The following PYHIN1 variants were observed in gnomAD, a reference collection of about 807,000 sequenced individuals.
The protein encoded by PYHIN1 is pyrin and HIN domain family member 1.
A neutral mutation model predicts 43.7 loss-of-function variants in PYHIN1; 32 were observed. The ratio of observed to expected loss-of-function variants is 0.73; its 90% confidence interval spans 0.55 to 0.98. The LOEUF is 0.98. Ranked by LOEUF, PYHIN1 falls within the 50% of genes least tolerant of loss-of-function variation. PYHIN1 has a pLI of 0.00. For synonymous variants in PYHIN1, 205 were observed against 203.1 expected, an observed-to-expected ratio of 1.01 and a Z score of -0.08; for missense variants, 588 against 589.5, an observed-to-expected ratio of 1.00 and a Z score of 0.03.
Position 158,933,768 on chromosome 1 carries a change from C to T in PYHIN1, c.-21+1992C>T, listed in dbSNP as rs1270495749. ...TAGTAAACTCATATTCTTTTTCTTC[C>T]CTCCCTCCACCATGTTGGTATACTT... On this transcript the variant is annotated intron_variant, in intron 1 of 8. Coordinates refer to ENST00000368140, the MANE Select transcript of PYHIN1 (RefSeq NM_152501.5). The surrounding 1 kb of genome is among the most constrained non-coding windows in gnomAD (Gnocchi z 6.3). Among the ~76,000 whole-genome samples the T allele has an allele frequency of 6.6e-6, 1 of 151,966 alleles. No homozygotes were observed. The highest frequency in any genetic ancestry group is 1.5e-5 in the Non-Finnish European group (1 of 67,948).
At chr1:158,940,573 A>G (rs373238588) in intron 4 of PYHIN1, among the ~76,000 whole-genome samples, 4 of 152,306 alleles carry the variant, frequency 2.6e-5, no homozygotes, top group Admixed American at 2.6e-4. Context: ...CTAAAAACTA[A>G]TTGAAACTCT....
intron 7 of PYHIN1, among the ~76,000 whole-genome samples, chr1:158,952,649 G>A (rs1009180356): frequency 6.6e-6 from 1 of 152,138 alleles, no homozygotes; most frequent in Non-Finnish European, 1.5e-5. Context: ...TGGTTGCAAT[G>A]AACCAGAGCC....
intron 7 of PYHIN1, among the ~76,000 whole-genome samples, chr1:158,973,196 C>T (rs1354122779): frequency 6.6e-6 from 1 of 152,058 alleles, no homozygotes; most frequent in Non-Finnish European, 1.5e-5. Flanking sequence ...GAGTTGAAGA[C>T]AGACTTATTC....
chr1:158,986,927 TC>T, the PYHIN1 span, among the ~76,000 whole-genome samples: 3 of 152,198 alleles, frequency 2.0e-5, no homozygotes, highest in African/African-American at 7.2e-5. Context: ...AGTGGGCCAC[TC>T]TACACCTATT....
intron 7 of PYHIN1, among the ~76,000 whole-genome samples, chr1:158,959,106 G>A (rs1286173041): frequency 6.6e-6 from 1 of 151,736 alleles, no homozygotes; most frequent in African/African-American, 2.4e-5. Context: ...TTTTTGGGAG[G>A]TCCGTTGCAC....
At chr1:158,939,680 A>G in intron 4 of PYHIN1, 1 of 672,120 alleles carries the variant, frequency 1.5e-6, no homozygotes, top group East Asian at 2.7e-5. Flanking sequence ...CTGGATCCCA[A>G]TATTGAGATC....
At chr1:158,958,464 G>A (rs577667857) in intron 7 of PYHIN1, among the ~76,000 whole-genome samples, 9 of 148,688 alleles carry the variant, frequency 6.1e-5, no homozygotes, top group East Asian at 4.0e-4. Context: ...TAGGGACATG[G>A]ATGAAATTGG....
chr1:158,949,266 T>G (rs1649390643), intron 7 of PYHIN1, among the ~76,000 whole-genome samples: 1 of 152,166 alleles, frequency 6.6e-6, no homozygotes, highest in Non-Finnish European at 1.5e-5. Flanking sequence ...CAAACAGCTG[T>G]GTGGGCTCCA....
intron 7 of PYHIN1, among the ~76,000 whole-genome samples, chr1:158,968,189 C>T (rs1439925850): frequency 1.3e-5 from 2 of 151,742 alleles, no homozygotes; most frequent in Non-Finnish European, 1.5e-5. Flanking sequence ...AAATTGCAAA[C>T]TTTGCATCCA....
At position 158,942,352 on chromosome 1, in the gene PYHIN1, A is replaced by T; in HGVS notation, c.955A>T (p.Lys319Ter). The T allele has an allele frequency of 6.2e-7, 1 of 1,612,100 alleles. No individual in the cohort carries two copies. The highest frequency in any genetic ancestry group is 8.5e-7 in the Non-Finnish European group (1 of 1,179,396). ...AATTCCGAAGATCAATATTCTTCACAAACAAACTTCAGGATATATTGTATA... is the reference window on the plus strand; with the variant it reads ...AATTCCGAAGATCAATATTCTTCACTAACAAACTTCAGGATATATTGTATA... Reference protein sequence around the residue: ...KKIPKINILHKQTSGYIVYGL... With the variant: ...KKIPKINILH The change falls in exon 5 of 9, where the codon AAA becomes TAA. Residue 319 changes from lysine (K) to a stop codon, truncating the protein, a stop_gained. Transcript: ENST00000368140. LOFTEE classifies it high-confidence loss of function.
At chr1:158,947,303 A>G (rs1649276535) in intron 7 of PYHIN1, among the ~76,000 whole-genome samples, 1 of 152,058 alleles carries the variant, frequency 6.6e-6, no homozygotes, top group Non-Finnish European at 1.5e-5. Flanking sequence ...GTAGAGAGAG[A>G]TTGTGGGGAT....
At chr1:158,950,967 C>T (rs1389195491) in intron 7 of PYHIN1, among the ~76,000 whole-genome samples, 1 of 152,132 alleles carries the variant, frequency 6.6e-6, no homozygotes, top group African/African-American at 2.4e-5. Flanking sequence ...AACGTGTGCA[C>T]TAATTAGATG....
At position 158,942,410 on chromosome 1, in the gene PYHIN1, A is replaced by G. The variant is rs1186620923; in HGVS notation, c.1002+11A>G. 6.5e-7 allele frequency: 1 copy of G among 1,549,998 alleles called. No individual in the cohort carries two copies. Among genetic ancestry groups the G allele is most frequent in the East Asian group, 2.3e-5 (1 of 44,312 alleles). On this transcript the variant is annotated intron_variant, in intron 5 of 8. Coordinates refer to ENST00000368140, the MANE Select transcript of PYHIN1 (RefSeq NM_152501.5). ...TTTATGCTACATACGGTAAGGCATC[A>G]AAGCTATTTTGTGGCATTTTCTACA...
the PYHIN1 span, among the ~76,000 whole-genome samples, chr1:158,987,954 A>T: frequency 2.0e-5 from 3 of 152,238 alleles, no homozygotes; most frequent in Non-Finnish European, 4.4e-5. Context: ...CATACTATGG[A>T]GAATACAGTG....
At chr1:158,969,749 G>A (rs919096435) in intron 7 of PYHIN1, among the ~76,000 whole-genome samples, 2 of 151,864 alleles carry the variant, frequency 1.3e-5, no homozygotes, top group Non-Finnish European at 2.9e-5. Flanking sequence ...ATTTTCTGAC[G>A]CATAATGGCT....
At chr1:158,936,340 T>G (rs1001146734) in intron 1 of PYHIN1, among the ~76,000 whole-genome samples, 4 of 151,310 alleles carry the variant, frequency 2.6e-5, no homozygotes, top group African/African-American at 9.7e-5. Context: ...GATAGTTTGC[T>G]GAGAATGATG....
chr1:158,940,816 A>G (rs1018747370), intron 4 of PYHIN1, among the ~76,000 whole-genome samples: 1 of 152,180 alleles, frequency 6.6e-6, no homozygotes, highest in Non-Finnish European at 1.5e-5. Context: ...CATCCATAAC[A>G]TGCCACATTT....
At chr1:158,962,579 G>GA (rs1410012630) in intron 7 of PYHIN1, among the ~76,000 whole-genome samples, 1 of 152,202 alleles carries the variant, frequency 6.6e-6, no homozygotes, top group Non-Finnish European at 1.5e-5. Context: ...TGTCTCAGGA[G>GA]AAAATCTCAG....
chr1:158,979,791 A>C (rs1400077199), downstream of PYHIN1, among the ~76,000 whole-genome samples: 11 of 152,114 alleles, frequency 7.2e-5, no homozygotes, highest in Admixed American at 7.2e-4. Context: ...TCAATACATT[A>C]CATGTTGCTG....
Sources: allele counts gnomAD v4.1 joint callset (sites outside exome capture counted in the v4.1 genomes callset), GRCh38; gene constraint gnomAD v4.1.1; non-coding constraint Gnocchi (gnomAD v3.1); transcripts MANE v1.5; gene names NCBI Gene and HGNC (gene_info 2026-07-23, HGNC 2026-07-21).